Variants in SPOCK1 observed in about 807,000 individuals in gnomAD.
SPOCK1 encodes testican-1.
Under a neutral mutation model 55.3 loss-of-function variants are expected in SPOCK1, and 23 were observed. The ratio of observed to expected loss-of-function variants is 0.42; its 90% CI spans 0.30 to 0.59. The LOEUF is 0.59. Among genes scored for constraint, SPOCK1 ranks in the 20% least tolerant of loss-of-function variants. The pLI is 0.22. For synonymous variants in SPOCK1, 226 were observed against 221.0 expected, an observed-to-expected ratio of 1.02 and a Z score of -0.20; for missense variants, 499 against 552.5, an observed-to-expected ratio of 0.90 and a Z score of 0.97.
chr5:137,083,151 G>T (rs532597018), intron 5 of SPOCK1, among the ~76,000 whole-genome samples: 2 of 152,132 alleles, frequency 1.3e-5, no homozygotes, highest in South Asian at 4.1e-4. Context: ...AAGTAATAAC[G>T]AGCAGTCACA....
chr5:137,020,474 G>C (rs1206759714), intron 6 of SPOCK1, among the ~76,000 whole-genome samples: 2 of 146,604 alleles, frequency 1.4e-5, no homozygotes, highest in African/African-American at 5.3e-5. Flanking sequence ...ATATTCAGAA[G>C]AAAATAGAAT....
intron 2 of SPOCK1, among the ~76,000 whole-genome samples, chr5:137,430,093 G>A (rs1447077870): frequency 5.3e-5 from 8 of 152,316 alleles, no homozygotes; most frequent in African/African-American, 1.4e-4. Context: ...GGTAAACAGC[G>A]TTTGATGAGG....
At position 137,067,836 on chromosome 5, in the gene SPOCK1, A is replaced by AAG; in HGVS notation, c.475-9_475-8dup. ...CATGGAACTCCAATTTGCACTGCAAAAGAGAGACACAACAGGTCTTAAGAA... is the reference window on the plus strand; with the variant it reads ...CATGGAACTCCAATTTGCACTGCAAAAGAGAGAGACACAACAGGTCTTAAGAA... On this transcript the variant is annotated splice_region_variant and splice_polypyrimidine_tract_variant and intron_variant, in intron 5 of 10. Transcript: ENST00000394945. 1 of 1,611,714 alleles carries AAG rather than the reference A, an allele frequency of 6.2e-7. No homozygotes were observed. The highest frequency in any genetic ancestry group is 8.5e-7 in the Non-Finnish European group (1 of 1,177,816).
intron 2 of SPOCK1, among the ~76,000 whole-genome samples, chr5:137,298,724 CTT>C (rs1171756171): frequency 1.3e-5 from 2 of 152,136 alleles, no homozygotes; most frequent in African/African-American, 4.8e-5. Context: ...TGAACTGACT[CTT>C]TTATTCTTAT....
chr5:137,328,300 C>T (rs564365022), intron 2 of SPOCK1, among the ~76,000 whole-genome samples: 42 of 152,256 alleles, frequency 2.8e-4, no homozygotes, highest in Non-Finnish European at 4.6e-4. Context: ...ACAGAGATGG[C>T]GGGAAGAGGA....
chr5:137,207,639 C>A (rs924377449), intron 3 of SPOCK1, among the ~76,000 whole-genome samples: 7 of 151,996 alleles, frequency 4.6e-5, no homozygotes, highest in African/African-American at 1.7e-4. Context: ...GAGGAGGTGG[C>A]AATATGACTC....
intron 3 of SPOCK1, among the ~76,000 whole-genome samples, chr5:137,234,901 C>T (rs191551326): frequency 7.7e-4 from 118 of 152,342 alleles, no homozygotes; most frequent in African/African-American, 2.8e-3. Context: ...AAAAATTGCT[C>T]ATCAGAGAGA....
At chr5:137,018,749 CTCT>C (rs1751501921) in intron 6 of SPOCK1, among the ~76,000 whole-genome samples, 1 of 152,020 alleles carries the variant, frequency 6.6e-6, no homozygotes, top group Admixed American at 6.5e-5. Context: ...TTATTCCTCT[CTCT>C]TTTTTCAAAA....
At chr5:137,249,397 C>T (rs1434639) in intron 3 of SPOCK1, among the ~76,000 whole-genome samples, 10,423 of 152,032 alleles carry the variant, frequency 0.069, 1,065 homozygotes, top group African/African-American at 0.23. Context: ...CAGAAGTACA[C>T]GACACAGAAT....
At chr5:137,150,238 C>T (rs1203527864) in intron 3 of SPOCK1, among the ~76,000 whole-genome samples, 1 of 152,178 alleles carries the variant, frequency 6.6e-6, no homozygotes, top group Non-Finnish European at 1.5e-5. Context: ...CTTCTGCTGA[C>T]TAACCACATC....
chr5:137,254,103 T>C (rs563681310), intron 3 of SPOCK1, among the ~76,000 whole-genome samples: 7 of 152,338 alleles, frequency 4.6e-5, no homozygotes, highest in South Asian at 4.1e-4. Context: ...CAACTCAGGA[T>C]TGACCTCGCT....
intron 3 of SPOCK1, among the ~76,000 whole-genome samples, chr5:137,155,951 T>A (rs1309581098): frequency 6.6e-6 from 1 of 152,232 alleles, no homozygotes; most frequent in African/African-American, 2.4e-5. Flanking sequence ...AATTTTCAAC[T>A]TGGACTGATG....
chr5:137,020,967 C>T (rs1015129055), intron 6 of SPOCK1, among the ~76,000 whole-genome samples: 2 of 152,086 alleles, frequency 1.3e-5, no homozygotes, highest in Non-Finnish European at 2.9e-5. Context: ...ATCAGTGGAA[C>T]AATGACTGTG....
intron 6 of SPOCK1, among the ~76,000 whole-genome samples, chr5:136,995,012 T>C (rs1311059257): frequency 6.6e-6 from 1 of 151,918 alleles, no homozygotes; most frequent in Non-Finnish European, 1.5e-5. Context: ...GTCTCAAAAA[T>C]CAAAATTTAA....
intron 2 of SPOCK1, among the ~76,000 whole-genome samples, chr5:137,311,896 C>T (rs1216931454): frequency 6.6e-6 from 1 of 152,192 alleles, no homozygotes; most frequent in East Asian, 1.9e-4. Flanking sequence ...AAATATTCTA[C>T]AGCATCATTT....
chr5:137,056,051 C>G (rs1752293323), intron 6 of SPOCK1, among the ~76,000 whole-genome samples: 1 of 152,170 alleles, frequency 6.6e-6, no homozygotes, highest in Non-Finnish European at 1.5e-5. Flanking sequence ...CAGTAAGACC[C>G]TATACATTTC....
intron 3 of SPOCK1, among the ~76,000 whole-genome samples, chr5:137,160,592 T>A (rs1234379381): frequency 4.3e-5 from 3 of 70,398 alleles, no homozygotes; most frequent in South Asian, 3.7e-4. Flanking sequence ...ATATAATATA[T>A]AATATATTAT....
intron 2 of SPOCK1, among the ~76,000 whole-genome samples, chr5:137,310,212 T>G (rs1050792671): frequency 6.6e-6 from 1 of 152,310 alleles, no homozygotes; most frequent in African/African-American, 2.4e-5. Flanking sequence ...TGAGAAAACG[T>G]AGGCGCAAAG....
chr5:137,015,114 T>C (rs142167557), intron 6 of SPOCK1, among the ~76,000 whole-genome samples: 168 of 152,278 alleles, frequency 1.1e-3, no homozygotes, highest in African/African-American at 3.7e-3. Context: ...GTTATCACAG[T>C]AGTCTTGGGA....
Sources: allele counts gnomAD v4.1 joint callset (sites outside exome capture counted in the v4.1 genomes callset), GRCh38; gene constraint gnomAD v4.1.1; transcripts MANE v1.5; gene names NCBI Gene and HGNC (gene_info 2026-07-23, HGNC 2026-07-21).